KCNB2: variants seen among roughly 807,000 people sequenced by gnomAD.
KCNB2 encodes delayed rectifier potassium channel protein.
In KCNB2, 15 loss-of-function variants were observed where a neutral mutation model predicts 61.5. The ratio of observed to expected loss-of-function variants is 0.24; its 90% CI spans 0.16 to 0.38. The LOEUF is 0.38. Ranked by LOEUF, KCNB2 falls within the 10% of genes least tolerant of loss-of-function variation. The pLI, the probability that KCNB2 is intolerant of heterozygous loss-of-function variation, is 1.00. For missense variants in KCNB2, 828 were observed against 1,125.2 expected, an observed-to-expected ratio of 0.74 and a Z score of 3.78; for synonymous variants, 457 against 446.0, an observed-to-expected ratio of 1.02 and a Z score of -0.31.
rs112957250 is a variant in KCNB2, at chr8:72,768,380, G to T, written c.580-167555G>T. On this transcript the variant is annotated intron_variant, in intron 2 of 2. Coordinates refer to ENST00000523207, the MANE Select transcript of KCNB2 (RefSeq NM_004770.3). ...AGTAGAGATGTTGTTTTGCCATGTTGCCCAGGCTGGTCTCGAACTCCTGAC... is the reference window on the plus strand; with the variant it reads ...AGTAGAGATGTTGTTTTGCCATGTTTCCCAGGCTGGTCTCGAACTCCTGAC... 8.4e-3 allele frequency among the ~76,000 whole-genome samples: 1,284 copies of T among 152,152 alleles called. 18 individuals are homozygous for T. Among genetic ancestry groups the T allele is most frequent in the African/African-American group, 0.029 (1,224 of 41,504 alleles).
intron 2 of KCNB2, among the ~76,000 whole-genome samples, chr8:72,846,406 C>G (rs1021487620): frequency 6.6e-6 from 1 of 152,104 alleles, no homozygotes; most frequent in African/African-American, 2.4e-5. Context: ...CCAAAATTGA[C>G]AAATGGGATC....
chr8:72,611,831 C>T (rs891238887), intron 2 of KCNB2, among the ~76,000 whole-genome samples: 1 of 152,086 alleles, frequency 6.6e-6, no homozygotes, highest in African/African-American at 2.4e-5. Context: ...TGCTGCCCAA[C>T]CTTAAGAAAC....
At chr8:72,585,203 A>G (rs528370707) in intron 2 of KCNB2, among the ~76,000 whole-genome samples, 5 of 152,226 alleles carry the variant, frequency 3.3e-5, no homozygotes, top group Non-Finnish European at 5.9e-5. Flanking sequence ...GTCCCTGGCC[A>G]AGTGGCAGAC....
At chr8:72,611,843 C>A (rs373133201) in intron 2 of KCNB2, among the ~76,000 whole-genome samples, 7 of 152,068 alleles carry the variant, frequency 4.6e-5, no homozygotes, top group Middle Eastern at 3.4e-3. Flanking sequence ...TTAAGAAACC[C>A]ATTTTTTTTT....
chr8:72,539,888 A>G (rs937581340), intron 1 of KCNB2, among the ~76,000 whole-genome samples: 7 of 152,170 alleles, frequency 4.6e-5, no homozygotes, highest in Non-Finnish European at 1.0e-4. Context: ...AGTTTAGGCA[A>G]TAGGGCAACT....
chr8:72,930,542 G>A lies in KCNB2; in HGVS notation c.580-5393G>A, dbSNP rs555483070. Among the ~76,000 whole-genome samples the A allele has an allele frequency of 3.3e-4, 50 of 152,270 alleles. No individual in the cohort carries two copies. The South Asian group carries it at 6.6e-3, about 20-fold the overall frequency. On this transcript the variant is annotated intron_variant, in intron 2 of 2. Transcript: ENST00000523207. ...TGGTTTTGATTTGCATTTCTCTGAT[G>A]GCCAGTGATGATGAGCATTTTTTCA...
chr8:72,549,108 A>T (rs1420026651), intron 1 of KCNB2, among the ~76,000 whole-genome samples: 1 of 152,232 alleles, frequency 6.6e-6, no homozygotes, highest in Non-Finnish European at 1.5e-5. Flanking sequence ...ACCACACAAT[A>T]ACATTCTGGC....
intron 2 of KCNB2, among the ~76,000 whole-genome samples, chr8:72,664,253 T>G (rs1806430191): frequency 6.6e-6 from 1 of 152,224 alleles, no homozygotes; most frequent in South Asian, 2.1e-4. Context: ...GCACTGGTAC[T>G]CTATGCAGGG....
At chr8:72,623,512 A>C (rs558293678) in intron 2 of KCNB2, among the ~76,000 whole-genome samples, 1 of 152,302 alleles carries the variant, frequency 6.6e-6, no homozygotes, top group African/African-American at 2.4e-5. Flanking sequence ...TGGAACCCAA[A>C]CCATCTGGAC....
chr8:72,685,214 G>T (rs2128989473), intron 2 of KCNB2, among the ~76,000 whole-genome samples: 1 of 152,256 alleles, frequency 6.6e-6, no homozygotes, highest in Middle Eastern at 3.4e-3. Context: ...ATTTGTATCT[G>T]AAAGGAATGA....
chr8:72,849,307 TC>T (rs1350357959), intron 2 of KCNB2, among the ~76,000 whole-genome samples: 25 of 152,156 alleles, frequency 1.6e-4, no homozygotes, highest in African/African-American at 5.8e-4. Flanking sequence ...AATTATCATA[TC>T]CATCATCTCA....
intron 2 of KCNB2, among the ~76,000 whole-genome samples, chr8:72,741,891 G>A (rs1807966675): frequency 6.6e-6 from 1 of 152,152 alleles, no homozygotes; most frequent in South Asian, 2.1e-4. Flanking sequence ...CACTGCTGGT[G>A]GGAATTTAAA....
intron 2 of KCNB2, among the ~76,000 whole-genome samples, chr8:72,815,482 T>C (rs540661178): frequency 6.6e-6 from 1 of 152,342 alleles, no homozygotes; most frequent in South Asian, 2.1e-4. Flanking sequence ...CCATAGACTA[T>C]GCACTCAGGA....
At chr8:72,888,042 G>A (rs1283220093) in intron 2 of KCNB2, among the ~76,000 whole-genome samples, 2 of 152,206 alleles carry the variant, frequency 1.3e-5, no homozygotes, top group Admixed American at 6.5e-5. Context: ...TGCTTTAATC[G>A]TGTTTTGCAC....
At chr8:72,709,925 A>C (rs1386210884) in intron 2 of KCNB2, among the ~76,000 whole-genome samples, 1 of 152,180 alleles carries the variant, frequency 6.6e-6, no homozygotes, top group African/African-American at 2.4e-5. Flanking sequence ...GAGTGGTTGC[A>C]CAGTCATGGG....
intron 2 of KCNB2, among the ~76,000 whole-genome samples, chr8:72,768,603 G>A (rs1459648840): frequency 6.6e-6 from 1 of 151,852 alleles, no homozygotes; most frequent in Admixed American, 6.6e-5. Context: ...GTACTTTTTG[G>A]TGTCATAGGT....
chr8:72,686,506 C>G (rs989434382), intron 2 of KCNB2, among the ~76,000 whole-genome samples: 1 of 152,118 alleles, frequency 6.6e-6, no homozygotes, highest in Non-Finnish European at 1.5e-5. Context: ...CACCACCACA[C>G]CTGGCCAGGC....
At chr8:72,680,849 C>A (rs1175187204) in intron 2 of KCNB2, among the ~76,000 whole-genome samples, 1 of 152,140 alleles carries the variant, frequency 6.6e-6, no homozygotes, top group Non-Finnish European at 1.5e-5. Context: ...GCTGCACAAT[C>A]CTTAACTTCT....
chr8:72,743,227 C>T (rs1965805), intron 2 of KCNB2, among the ~76,000 whole-genome samples: 110,169 of 152,174 alleles, frequency 0.72, 41,148 homozygotes, highest in African/African-American at 0.91. Flanking sequence ...CTGTAGTATA[C>T]TATGACTTTA....
Sources: gnomAD v4.1 joint callset for allele counts (sites outside exome capture counted in the v4.1 genomes callset) on GRCh38, gnomAD v4.1.1 for gene constraint, MANE v1.5 for transcripts, NCBI Gene and HGNC (gene_info 2026-07-23, HGNC 2026-07-21) for gene names.